The following CLIC4 variants were observed in gnomAD, a reference collection of about 807,000 sequenced individuals.
CLIC4 encodes CLIC family member 4.
Under a neutral mutation model 24.6 loss-of-function variants are expected in CLIC4, and 13 were observed. That is an observed-to-expected ratio of 0.53 (90% confidence interval 0.34 to 0.84). The LOEUF (loss-of-function observed/expected upper bound fraction) is 0.84, where lower values mean the gene tolerates loss of function less well. Among genes scored for constraint, CLIC4 ranks in the 40% least tolerant of loss-of-function variants. The pLI is 0.01. For synonymous variants in CLIC4, 104 were observed against 111.3 expected (o/e 0.93, Z 0.41); for missense variants, 227 against 301.7 (o/e 0.75, Z 1.83).
intron 4 of CLIC4, among the ~76,000 whole-genome samples, chr1:24,837,101 A>G (rs1639893439): frequency 6.6e-6 from 1 of 152,210 alleles, no homozygotes; most frequent in South Asian, 2.1e-4. Flanking sequence ...GTAGAAAACA[A>G]ACATGACATT....
chr1:24,831,794 A>G (rs1051608363), intron 4 of CLIC4, among the ~76,000 whole-genome samples: 2 of 152,086 alleles, frequency 1.3e-5, no homozygotes, highest in East Asian at 1.9e-4. Flanking sequence ...GTGCACCACC[A>G]TGCCTGGCTA....
intron 1 of CLIC4, among the ~76,000 whole-genome samples, chr1:24,797,382 T>G (rs1409808014): frequency 6.6e-6 from 1 of 151,824 alleles, no homozygotes; most frequent in Non-Finnish European, 1.5e-5. Flanking sequence ...AAGACCAACC[T>G]GGATAACATG....
chr1:24,800,875 G>C (rs965008861), intron 2 of CLIC4, among the ~76,000 whole-genome samples: 3 of 147,304 alleles, frequency 2.0e-5, no homozygotes, highest in South Asian at 2.2e-4. Flanking sequence ...CAGCATGCTC[G>C]TTAAGAGTCA....
At chr1:24,789,291 G>A (rs1436184298) in intron 1 of CLIC4, among the ~76,000 whole-genome samples, 1 of 152,204 alleles carries the variant, frequency 6.6e-6, no homozygotes, top group Non-Finnish European at 1.5e-5. Context: ...ACCGAGGTGG[G>A]CGAATCACTT....
At chr1:24,763,180 A>T (rs891350642) in intron 1 of CLIC4, among the ~76,000 whole-genome samples, 15 of 152,056 alleles carry the variant, frequency 9.9e-5, no homozygotes, top group Non-Finnish European at 1.8e-4. Flanking sequence ...ACCAGCTAAG[A>T]CAGGTTCTTC....
At chr1:24,824,572 T>C (rs1273632697) in intron 3 of CLIC4, among the ~76,000 whole-genome samples, 1 of 151,992 alleles carries the variant, frequency 6.6e-6, no homozygotes, top group Non-Finnish European at 1.5e-5. Context: ...TTGGTCTCGT[T>C]TGTCAATACT....
At chr1:24,802,846 G>C (rs6684881) in intron 2 of CLIC4, among the ~76,000 whole-genome samples, 37,280 of 151,652 alleles carry the variant, frequency 0.25, 5,155 homozygotes, top group Admixed American at 0.34. Context: ...CAAGTAGCTA[G>C]GACTACAGGC....
intron 1 of CLIC4, among the ~76,000 whole-genome samples, chr1:24,746,625 C>A (rs962533865): frequency 6.6e-6 from 1 of 152,164 alleles, no homozygotes; most frequent in East Asian, 1.9e-4. Flanking sequence ...AGGCAACATA[C>A]CGGAAAGTAA....
intron 1 of CLIC4, among the ~76,000 whole-genome samples, chr1:24,772,045 A>T (rs1358480801): frequency 6.6e-6 from 1 of 152,246 alleles, no homozygotes; most frequent in African/African-American, 2.4e-5. Flanking sequence ...AATTAGAAGC[A>T]ATCTATTAGA....
chr1:24,761,793 A>T (rs183606955), intron 1 of CLIC4, among the ~76,000 whole-genome samples: 7 of 152,236 alleles, frequency 4.6e-5, no homozygotes, highest in Admixed American at 4.6e-4. Context: ...TGGAGAGAAG[A>T]GAATGGATTT....
At chr1:24,768,145 T>A (rs1639026156) in intron 1 of CLIC4, among the ~76,000 whole-genome samples, 1 of 152,084 alleles carries the variant, frequency 6.6e-6, no homozygotes, top group African/African-American at 2.4e-5. Flanking sequence ...CCAGCCAAAA[T>A]TTTCATTTTT....
rs372726009 is a variant in CLIC4 at position 24,820,267 on chromosome 1, C to CTTTTTTTTTTT, written c.308+6063_308+6073dup. ...TCCCACTTCTAGGTCCCTTTTTGGT[C>CTTTTTTTTTTT]TTTTTTTTTTTTTTTTTTTTTTTTT... On this transcript the variant is annotated intron_variant, in intron 3 of 5. Transcript: ENST00000374379. Among the ~76,000 whole-genome samples, 13 of 49,762 alleles carry CTTTTTTTTTTT rather than the reference C, an allele frequency of 2.6e-4. 1 individual carries two copies. The highest frequency in any genetic ancestry group is 4.0e-4 in the Admixed American group (1 of 2,514). 32.6% of individuals were successfully genotyped at this position (49,762 alleles called of 152,430 possible). A position where few individuals can be genotyped will look rare whatever the true frequency, so the allele number is the denominator to read the frequency against.
intron 1 of CLIC4, among the ~76,000 whole-genome samples, chr1:24,757,137 C>T (rs138999120): frequency 0.014 from 2,067 of 152,094 alleles, 52 homozygotes; most frequent in African/African-American, 0.047. Context: ...TCAGGTGATC[C>T]GCCTGCCTCG....
intron 1 of CLIC4, among the ~76,000 whole-genome samples, chr1:24,766,433 C>CT (rs977539484): frequency 2.5e-5 from 2 of 79,394 alleles, no homozygotes; most frequent in East Asian, 3.5e-4. Flanking sequence ...CACCTTTTTT[C>CT]TTTTTTTTAG....
At chr1:24,759,901 T>C (rs905533729) in intron 1 of CLIC4, among the ~76,000 whole-genome samples, 1 of 150,722 alleles carries the variant, frequency 6.6e-6, no homozygotes, top group Non-Finnish European at 1.5e-5. Context: ...CCACAGTGAG[T>C]AGTAATCCAT....
intron 1 of CLIC4, among the ~76,000 whole-genome samples, chr1:24,784,308 A>G (rs1179906753): frequency 6.6e-6 from 1 of 152,184 alleles, no homozygotes; most frequent in East Asian, 1.9e-4. Flanking sequence ...TGAGGTTATT[A>G]TTCCCATTTT....
chr1:24,767,024 T>TAAAA (rs34142565), intron 1 of CLIC4, among the ~76,000 whole-genome samples: 2 of 71,122 alleles, frequency 2.8e-5, no homozygotes, highest in African/African-American at 7.1e-5. Flanking sequence ...GCTGATGAGC[T>TAAAA]AAAAAAAAAA....
At chr1:24,782,442 T>C (rs1450738433) in intron 1 of CLIC4, among the ~76,000 whole-genome samples, 10 of 152,162 alleles carry the variant, frequency 6.6e-5, no homozygotes, top group Non-Finnish European at 1.3e-4. Context: ...AGAAACCATT[T>C]CTTCTCTTAT....
intron 1 of CLIC4, among the ~76,000 whole-genome samples, chr1:24,754,463 C>A (rs1275430597): frequency 6.6e-6 from 1 of 151,986 alleles, no homozygotes; most frequent in African/African-American, 2.4e-5. Context: ...ATTGTGAGTC[C>A]ATAAAAGGAA....
Sources: gnomAD v4.1 joint callset for allele counts (sites outside exome capture counted in the v4.1 genomes callset) on GRCh38, gnomAD v4.1.1 for gene constraint, MANE v1.5 for transcripts, NCBI Gene and HGNC (gene_info 2026-07-23, HGNC 2026-07-21) for gene names.